The following DYRK1A variants were observed in gnomAD, a reference collection of about 807,000 sequenced individuals.
The protein encoded by DYRK1A is dual specificity tyrosine phosphorylation regulated kinase 1A.
DYRK1A carries 9 observed loss-of-function variants against 79.7 expected under a neutral mutation model. The observed-to-expected ratio is 0.11, with a 90% CI of 0.07 to 0.20. The LOEUF (loss-of-function observed/expected upper bound fraction) is 0.20. DYRK1A is among the 10% of genes least tolerant of loss of function. The pLI is 1.00. For synonymous variants in DYRK1A, 349 were observed against 329.7 expected (o/e 1.06, Z -0.63); for missense variants, 622 against 956.0 (o/e 0.65, Z 4.61).
chr21:37,475,647 G>T (rs1162246911), intron 3 of DYRK1A, among the ~76,000 whole-genome samples: 2 of 152,176 alleles, frequency 1.3e-5, no homozygotes, highest in South Asian at 2.1e-4. Context: ...AAACAGCTTG[G>T]CCTTGTAGGC....
intron 1 of DYRK1A, among the ~76,000 whole-genome samples, chr21:37,391,721 C>T (rs1000078077): frequency 6.6e-6 from 1 of 152,170 alleles, no homozygotes; most frequent in African/African-American, 2.4e-5. Context: ...TCTTGATAAC[C>T]TAGCCCTAGT....
At chr21:37,442,400 C>T (rs2835743) in intron 2 of DYRK1A, among the ~76,000 whole-genome samples, 67,454 of 151,804 alleles carry the variant, frequency 0.44, 15,729 homozygotes, top group East Asian at 0.57. Context: ...TTTAAAATCT[C>T]TTCTGTTTTG....
chr21:37,488,358 G>T, intron 6 of DYRK1A: 7 of 919,562 alleles, frequency 7.6e-6, no homozygotes, highest in Non-Finnish European at 9.1e-6. Context: ...TAAGGTATCC[G>T]AAAGTCATAT....
At chr21:37,465,920 G>A (rs2052009870) in intron 2 of DYRK1A, among the ~76,000 whole-genome samples, 1 of 152,164 alleles carries the variant, frequency 6.6e-6, no homozygotes, top group East Asian at 1.9e-4. Context: ...CAATTTGCAG[G>A]CACATTAAAG....
intron 7 of DYRK1A, among the ~76,000 whole-genome samples, chr21:37,492,550 T>C (rs1437867859): frequency 4.6e-5 from 7 of 152,126 alleles, no homozygotes; most frequent in Admixed American, 3.9e-4. Context: ...AGTACAAATA[T>C]CTGAATTTTA....
At chr21:37,455,665 TCA>T (rs1282427720) in intron 2 of DYRK1A, among the ~76,000 whole-genome samples, 1 of 152,120 alleles carries the variant, frequency 6.6e-6, no homozygotes, top group Non-Finnish European at 1.5e-5. Context: ...TTAAGGGCTC[TCA>T]CCGTCCCGTG....
intron 5 of DYRK1A, chr21:37,486,004 T>G (rs1325494749): frequency 1.3e-5 from 2 of 152,222 alleles, no homozygotes; most frequent in Non-Finnish European, 2.9e-5. Context: ...GTTAGAAAGT[T>G]ATCTGAAGCC....
Position 37,399,423 on chromosome 21 carries a change from G to T in DYRK1A, c.-76-20876G>T, listed in dbSNP as rs148817927. Among the ~76,000 whole-genome samples the T allele has an allele frequency of 4.3e-3, 656 of 151,794 alleles. 2 individuals carry two copies. The highest frequency in any genetic ancestry group is 6.7e-3 in the Non-Finnish European group (457 of 67,902). On this transcript the variant is annotated intron_variant, in intron 1 of 11. Coordinates refer to ENST00000647188, the MANE Select transcript of DYRK1A (RefSeq NM_001347721.2). ...GAGGATGCAGGCAGGGAAAGAGTGC[G>T]GGAACCATTCCTGCAGAGTTTGTGG...
intron 2 of DYRK1A, among the ~76,000 whole-genome samples, chr21:37,437,218 C>T (rs1471353728): frequency 5.9e-5 from 9 of 152,156 alleles, no homozygotes; most frequent in Admixed American, 5.9e-4. Flanking sequence ...TTTTTTACAG[C>T]AGTGGTTCAC....
intron 1 of DYRK1A, among the ~76,000 whole-genome samples, chr21:37,392,986 A>G (rs1450210539): frequency 2.6e-5 from 4 of 152,246 alleles, no homozygotes; most frequent in African/African-American, 9.6e-5. Context: ...GCCCTTTTAT[A>G]ATGGCATTAA....
Position 37,496,050 on chromosome 21 carries a change from T to G in DYRK1A, c.1072-68T>G, listed in dbSNP as rs902420909. On this transcript the variant is annotated intron_variant, in intron 8 of 11. Coordinates refer to ENST00000647188, the MANE Select transcript of DYRK1A (RefSeq NM_001347721.2). ...GGTGTGCAATTTATTTATGAATGAA[T>G]GACTTGATGAGCAGGAGTAGATGTA... 1.1e-5 allele frequency: 17 copies of G among 1,481,716 alleles called. No homozygotes were observed. In the African/African-American group the frequency reaches 2.3e-4, roughly 20 times the overall value. 91.8% of individuals were successfully genotyped at this position (1,481,716 alleles called of 1,614,324 possible).
rs1224270834 is a variant in DYRK1A at position 37,516,750 on chromosome 21, A to T, written c.*4219A>T. 1.3e-5 allele frequency: 2 copies of T among 152,100 alleles called. No individual in the cohort carries two copies. The highest frequency in any genetic ancestry group is 1.5e-5 in the Non-Finnish European group (1 of 67,990). The allele number at this position is 152,100 out of a possible 1,614,324, so 9.4% of individuals were successfully genotyped here. On this transcript the variant is annotated 3_prime_UTR_variant, in exon 12 of 12. Coordinates refer to ENST00000647188, the MANE Select transcript of DYRK1A (RefSeq NM_001347721.2). ...AAGGTCCCAGATTTTGGCTGCTCTCAGTGGGTGTTCTTGCATCAGAACTTT... is the reference window on the plus strand; with the variant it reads ...AAGGTCCCAGATTTTGGCTGCTCTCTGTGGGTGTTCTTGCATCAGAACTTT...
At chr21:37,450,869 C>T (rs1389293499) in intron 2 of DYRK1A, among the ~76,000 whole-genome samples, 1 of 152,106 alleles carries the variant, frequency 6.6e-6, no homozygotes, top group Non-Finnish European at 1.5e-5. Flanking sequence ...AGCATGCTTG[C>T]TGTGTTGAGA....
intron 2 of DYRK1A, among the ~76,000 whole-genome samples, chr21:37,452,229 T>A (rs2051476978): frequency 6.7e-6 from 1 of 149,468 alleles, no homozygotes; most frequent in African/African-American, 2.5e-5. Flanking sequence ...TAAGGAGCAG[T>A]TATTGTAGGG....
At chr21:37,465,345 C>T (rs2051990062) in intron 2 of DYRK1A, among the ~76,000 whole-genome samples, 1 of 152,070 alleles carries the variant, frequency 6.6e-6, no homozygotes, top group South Asian at 2.1e-4. Context: ...GTATTATTCT[C>T]CCTAAAAAAA....
chr21:37,485,748 A>ACAG, intron 5 of DYRK1A, among the ~76,000 whole-genome samples: 1 of 113,598 alleles, frequency 8.8e-6, no homozygotes, highest in Non-Finnish European at 2.1e-5. Flanking sequence ...TAAATCTTTT[A>ACAG]TAGTAGTATG....
At chr21:37,373,669 A>G (rs2049478622) in intron 1 of DYRK1A, among the ~76,000 whole-genome samples, 2 of 152,232 alleles carry the variant, frequency 1.3e-5, no homozygotes, top group Non-Finnish European at 2.9e-5. Context: ...GGGAAGGCAC[A>G]TTCCATCCCT....
Position 37,519,005 on chromosome 21 carries a change from T to TA in DYRK1A, c.*6475dup, listed in dbSNP as rs1181885693. The stretch of plus-strand genomic sequence containing the variant: ...CAATTTATGGTGCATTACAAAATGT[T>TA]ATAAACAAGCCTCCGGGAAAGGCAG... On this transcript the variant is annotated 3_prime_UTR_variant, in exon 12 of 12. Transcript: ENST00000647188. 1 of 152,198 alleles carries TA rather than the reference T, an allele frequency of 6.6e-6. No homozygotes were observed. The highest frequency in any genetic ancestry group is 1.9e-4 in the East Asian group (1 of 5,204). 9.4% of individuals were successfully genotyped at this position (152,198 alleles called of 1,614,324 possible).
intron 10 of DYRK1A, 24 bp from the exon 11 acceptor site, chr21:37,506,075 T>G: frequency 6.3e-7 from 1 of 1,598,114 alleles, no homozygotes; most frequent in Non-Finnish European, 8.6e-7. Flanking sequence ...CACAGTTGTA[T>G]TGTTTTGTGT....
Sources: gnomAD v4.1 joint callset for allele counts (sites outside exome capture counted in the v4.1 genomes callset) on GRCh38, gnomAD v4.1.1 for gene constraint, MANE v1.5 for transcripts, NCBI Gene and HGNC (gene_info 2026-07-23, HGNC 2026-07-21) for gene names.